The following CDH12 variants were observed in gnomAD, a reference collection of about 807,000 sequenced individuals.
CDH12 encodes cadherin-12.
CDH12 carries 41 observed loss-of-function variants against 74.1 expected under a neutral mutation model. The ratio of observed to expected loss-of-function variants is 0.55; its 90% CI spans 0.43 to 0.72. The LOEUF (loss-of-function observed/expected upper bound fraction) is 0.72, where lower values mean the gene tolerates loss of function less well. CDH12 is among the 30% of genes least tolerant of loss of function. The pLI is 0.00. For synonymous variants in CDH12, 399 were observed against 355.0 expected, an observed-to-expected ratio of 1.12 and a Z score of -1.39; for missense variants, 945 against 977.2, an observed-to-expected ratio of 0.97 and a Z score of 0.44.
At chr5:22,426,268 G>C (rs776030368) in intron 2 of CDH12, among the ~76,000 whole-genome samples, 7 of 147,928 alleles carry the variant, frequency 4.7e-5, no homozygotes, top group Non-Finnish European at 8.9e-5. Context: ...TTCCACAACT[G>C]TTCCAATCTA....
At chr5:22,776,774 G>A (rs955790761) in intron 1 of CDH12, among the ~76,000 whole-genome samples, 6 of 151,982 alleles carry the variant, frequency 3.9e-5, no homozygotes, top group Admixed American at 2.0e-4. Context: ...TGTCAGAATG[G>A]TTCTTTCTTT....
intron 4 of CDH12, among the ~76,000 whole-genome samples, chr5:22,100,002 G>A (rs1042987737): frequency 3.3e-5 from 5 of 151,922 alleles, no homozygotes; most frequent in Non-Finnish European, 4.4e-5. Flanking sequence ...AGGTTCCCAC[G>A]CTGCCCCTAA....
chr5:22,478,370 A>G (rs1326370489), intron 2 of CDH12, among the ~76,000 whole-genome samples: 2 of 133,378 alleles, frequency 1.5e-5, no homozygotes, highest in African/African-American at 2.9e-5. Flanking sequence ...GTGAGCAGAG[A>G]CCGCGCCACT....
chr5:22,289,601 T>C (rs1206563863), intron 3 of CDH12, among the ~76,000 whole-genome samples: 1 of 152,022 alleles, frequency 6.6e-6, no homozygotes, highest in Non-Finnish European at 1.5e-5. Flanking sequence ...TCCAAAGAGA[T>C]AAGAAATCCA....
chr5:22,347,846 G>T (rs78265612), intron 3 of CDH12, among the ~76,000 whole-genome samples: 1 of 152,086 alleles, frequency 6.6e-6, no homozygotes, highest in African/African-American at 2.4e-5. Context: ...AGTCTGCAGT[G>T]GAATCAGAAT....
intron 1 of CDH12, among the ~76,000 whole-genome samples, chr5:22,779,695 C>G (rs1428810697): frequency 6.6e-6 from 1 of 152,120 alleles, no homozygotes; most frequent in Non-Finnish European, 1.5e-5. Flanking sequence ...TACAGTTCCT[C>G]TTTTACATGC....
chr5:21,945,458 AG>A (rs1580000392), intron 6 of CDH12, among the ~76,000 whole-genome samples: 29 of 140,676 alleles, frequency 2.1e-4, no homozygotes, highest in African/African-American at 8.1e-4. Flanking sequence ...AAAAAAAAAA[AG>A]AGGTTGGAAT....
intron 3 of CDH12, among the ~76,000 whole-genome samples, chr5:22,364,745 A>C (rs1740959875): frequency 1.3e-5 from 2 of 152,214 alleles, no homozygotes; most frequent in South Asian, 4.1e-4. Flanking sequence ...TTACCTTAGC[A>C]TCAGGCTGTT....
chr5:21,840,542 C>T (rs900136440), intron 8 of CDH12, among the ~76,000 whole-genome samples: 5 of 151,646 alleles, frequency 3.3e-5, no homozygotes, highest in African/African-American at 4.8e-5. Flanking sequence ...GAGCCCGCAT[C>T]GCCAAGCCAA....
chr5:21,997,345 G>T (rs2150140927), intron 5 of CDH12, among the ~76,000 whole-genome samples: 1 of 152,246 alleles, frequency 6.6e-6, no homozygotes, highest in South Asian at 2.1e-4. Context: ...TTGTGGCCAT[G>T]AAGAAGCAGT....
intron 4 of CDH12, among the ~76,000 whole-genome samples, chr5:22,162,639 A>C (rs1748425731): frequency 6.6e-6 from 1 of 152,022 alleles, no homozygotes; most frequent in Non-Finnish European, 1.5e-5. Context: ...TTTATTTTTA[A>C]AAATAACATC....
At chr5:22,497,873 C>T (rs189897151) in intron 2 of CDH12, among the ~76,000 whole-genome samples, 2 of 151,926 alleles carry the variant, frequency 1.3e-5, no homozygotes, top group Non-Finnish European at 2.9e-5. Context: ...AAACTCCTGA[C>T]CTCAAGTGAT....
At chr5:21,994,726 C>G (rs1218328561) in intron 5 of CDH12, among the ~76,000 whole-genome samples, 1 of 152,136 alleles carries the variant, frequency 6.6e-6, no homozygotes, top group East Asian at 1.9e-4. Context: ...GGCTTCTGGT[C>G]TGGTGAGACT....
chr5:22,720,152 G>A (rs892388354), intron 1 of CDH12, among the ~76,000 whole-genome samples: 1 of 152,144 alleles, frequency 6.6e-6, no homozygotes, highest in African/African-American at 2.4e-5. Flanking sequence ...TAACCCCTAT[G>A]TGTTGAAGGA....
At chr5:22,411,229 A>G (rs1180739002) in intron 2 of CDH12, among the ~76,000 whole-genome samples, 1 of 152,038 alleles carries the variant, frequency 6.6e-6, no homozygotes, top group African/African-American at 2.4e-5. Flanking sequence ...ATTACATAGT[A>G]TAAAACTGCA....
intron 6 of CDH12, among the ~76,000 whole-genome samples, chr5:21,972,877 A>C (rs957921726): frequency 9.2e-5 from 14 of 151,942 alleles, no homozygotes; most frequent in Non-Finnish European, 1.3e-4. Context: ...AAAATTTCAC[A>C]TTCAAAAGAA....
At chr5:22,786,359 A>C (rs1747625143) in intron 1 of CDH12, among the ~76,000 whole-genome samples, 1 of 152,220 alleles carries the variant, frequency 6.6e-6, no homozygotes, top group African/African-American at 2.4e-5. Flanking sequence ...AAGCTAACAC[A>C]GAAGACCTGA....
At chr5:22,649,758 T>C (rs1739634728) in intron 1 of CDH12, among the ~76,000 whole-genome samples, 1 of 151,950 alleles carries the variant, frequency 6.6e-6, no homozygotes. Flanking sequence ...AAAAGCTTTT[T>C]TGCATGAGCT....
At chr5:22,614,126 C>G (rs192398646) in intron 1 of CDH12, among the ~76,000 whole-genome samples, 1 of 152,132 alleles carries the variant, frequency 6.6e-6, no homozygotes, top group African/African-American at 2.4e-5. Context: ...AATATAGACG[C>G]TCTTAGTAGA....
Sources: allele counts gnomAD v4.1 joint callset (sites outside exome capture counted in the v4.1 genomes callset), GRCh38; gene constraint gnomAD v4.1.1; transcripts MANE v1.5; gene names NCBI Gene and HGNC (gene_info 2026-07-23, HGNC 2026-07-21).